Variants in ENOX2 observed in about 807,000 individuals in gnomAD.
ENOX2 encodes the protein APK1 antigen.
A neutral mutation model predicts 45.0 loss-of-function variants in ENOX2; 36 were observed. The ratio of observed to expected loss-of-function variants is 0.80; its 90% confidence interval spans 0.61 to 1.06. The LOEUF is 1.06. Among genes scored for constraint, ENOX2 ranks in the 50% least tolerant of loss-of-function variants. ENOX2 has a pLI of 0.00. For synonymous variants in ENOX2, 174 were observed against 152.3 expected, an observed-to-expected ratio of 1.14 and a Z score of -1.05; for missense variants, 423 against 462.5, an observed-to-expected ratio of 0.91 and a Z score of 0.78.
intron 2 of ENOX2, among the ~76,000 whole-genome samples, chrX:130,868,005 A>T (rs1161246625): frequency 8.9e-6 from 1 of 112,028 alleles, no homozygotes; most frequent in Non-Finnish European, 1.9e-5. Context: ...AATGTACATA[A>T]AGGTCAAAAT....
intron 2 of ENOX2, among the ~76,000 whole-genome samples, chrX:130,874,302 G>A (rs2078653613): frequency 8.9e-6 from 1 of 112,258 alleles, no homozygotes; most frequent in Non-Finnish European, 1.9e-5. Context: ...CCATCTAGGG[G>A]ATAGAGTGTG....
intron 3 of ENOX2, among the ~76,000 whole-genome samples, chrX:130,735,330 A>C (rs998190144): frequency 4.5e-5 from 5 of 112,288 alleles, no homozygotes; most frequent in African/African-American, 1.6e-4. Context: ...CTCCTAAAGC[A>C]GTGCTTTGTC....
At chrX:130,704,877 T>C (rs770989454) in intron 3 of ENOX2, among the ~76,000 whole-genome samples, 14 of 112,210 alleles carry the variant, frequency 1.2e-4, no homozygotes, top group African/African-American at 3.9e-4. Context: ...GAGTGATTTC[T>C]CCATCTGTAG....
intron 3 of ENOX2, among the ~76,000 whole-genome samples, chrX:130,764,940 A>G (rs1344284537): frequency 9.0e-6 from 1 of 111,721 alleles, no homozygotes; most frequent in African/African-American, 3.3e-5. Context: ...GATCTCATGC[A>G]AATTAATATT....
intron 3 of ENOX2, among the ~76,000 whole-genome samples, chrX:130,770,359 G>T (rs2039710236): frequency 9.0e-6 from 1 of 111,684 alleles, no homozygotes; most frequent in South Asian, 3.7e-4. Context: ...TGACACTGGG[G>T]CTGCTCTGAA....
intron 3 of ENOX2, among the ~76,000 whole-genome samples, chrX:130,707,905 C>A (rs1298005274): frequency 1.8e-5 from 2 of 111,889 alleles, no homozygotes; most frequent in African/African-American, 3.3e-5. Flanking sequence ...TTCTTCTCTT[C>A]TTGCCTGCCT....
At chrX:130,783,488 C>T (rs1444340522) in intron 3 of ENOX2, 59 bp downstream of exon 3, 3 of 316,553 alleles carry the variant, frequency 9.5e-6, no homozygotes, top group Non-Finnish European at 1.8e-5. Context: ...ACATACTAGG[C>T]TCTGGGAAAA....
At chrX:130,685,202 C>A (rs1415692787) in intron 5 of ENOX2, among the ~76,000 whole-genome samples, 1 of 110,789 alleles carries the variant, frequency 9.0e-6, no homozygotes, top group Non-Finnish European at 1.9e-5. Flanking sequence ...CATGGAACAG[C>A]ATGAAGGTCA....
chrX:130,665,866 T>C lies in ENOX2; in HGVS notation c.908-117A>G. On this transcript the variant is annotated intron_variant, in intron 8 of 14. Transcript: ENST00000394363. The stretch of plus-strand genomic sequence containing the variant: ...TCAGGCTTGTTGTATCTTGTTGTTA[T>C]GACACTATACTAAGCTGTGGTTGTG... 8.1e-6 allele frequency: 4 copies of C among 496,058 alleles called. No homozygotes were observed. The South Asian group carries it at 1.2e-4, about 15-fold the overall frequency. The allele number at this position is 496,058 out of a possible 1,213,427, so 40.9% of individuals were successfully genotyped here.
intron 5 of ENOX2, among the ~76,000 whole-genome samples, chrX:130,682,028 C>A (rs926864514): frequency 1.9e-5 from 2 of 105,953 alleles, no homozygotes; most frequent in African/African-American, 3.5e-5. Flanking sequence ...CCCCCCCCCA[C>A]CGACTATATA....
intron 2 of ENOX2, among the ~76,000 whole-genome samples, chrX:130,858,112 T>TC (rs1195994396): frequency 9.3e-6 from 1 of 108,056 alleles, no homozygotes; most frequent in Non-Finnish European, 1.9e-5. Context: ...ATGGGCTTTT[T>TC]CCTTTTTTTT....
chrX:130,824,198 T>C (rs2077672896), intron 2 of ENOX2, among the ~76,000 whole-genome samples: 1 of 111,812 alleles, frequency 8.9e-6, no homozygotes, highest in Non-Finnish European at 1.9e-5. Flanking sequence ...GCTTCCTTTT[T>C]ATTGCAGAAA....
At chrX:130,884,261 T>C (rs1434269100) in intron 2 of ENOX2, among the ~76,000 whole-genome samples, 1 of 112,536 alleles carries the variant, frequency 8.9e-6, no homozygotes, top group African/African-American at 3.2e-5. Context: ...TGTTAAAATA[T>C]AAAGATACCA....
intron 11 of ENOX2, among the ~76,000 whole-genome samples, 156 bp downstream of exon 11, chrX:130,637,073 T>C (rs754020419): frequency 8.9e-6 from 1 of 112,725 alleles, no homozygotes; most frequent in East Asian, 2.8e-4. Flanking sequence ...AATATTTAAT[T>C]AAACACAACA....
intron 10 of ENOX2, among the ~76,000 whole-genome samples, chrX:130,639,223 T>C (rs2036016884): frequency 8.9e-6 from 1 of 111,959 alleles, no homozygotes; most frequent in Non-Finnish European, 1.9e-5. Flanking sequence ...TACCAGAGCC[T>C]CACCTGCTGG....
rs898898188 is a variant in ENOX2 at position 130,903,143 on chromosome X, GC to G, written c.-326del. ...CCTGGGCTCGTAGTGCCCTCGCGGC[GC>G]CCCACGCCGCGCCACTCTCTTCCGA... On this transcript the variant is annotated 5_prime_UTR_variant, in exon 1 of 15. Coordinates refer to ENST00000394363, the MANE Select transcript of ENOX2 (RefSeq NM_006375.4). The G allele has an allele frequency of 6.2e-5, 7 of 112,617 alleles. No homozygotes were observed. Among genetic ancestry groups the G allele is most frequent in the African/African-American group, 2.3e-4 (7 of 30,866 alleles). The allele number at this position is 112,617 out of a possible 1,213,427, so 9.3% of individuals were successfully genotyped here. A position where few individuals can be genotyped will look rare whatever the true frequency, so the allele number is the denominator to read the frequency against.
At chrX:130,647,561 A>G (rs2148059269) in intron 10 of ENOX2, among the ~76,000 whole-genome samples, 1 of 112,228 alleles carries the variant, frequency 8.9e-6, no homozygotes, top group East Asian at 2.8e-4. Context: ...CTCTGATTCA[A>G]GGTCTAGCAT....
intron 9 of ENOX2, among the ~76,000 whole-genome samples, chrX:130,658,257 TA>T (rs1034331325): frequency 9.0e-6 from 1 of 110,872 alleles, no homozygotes; most frequent in Non-Finnish European, 1.9e-5. Flanking sequence ...GAAATAAAAA[TA>T]ACCAGACGAG....
intron 2 of ENOX2, among the ~76,000 whole-genome samples, chrX:130,831,030 C>T (rs368149598): frequency 7.2e-5 from 8 of 111,670 alleles, no homozygotes; most frequent in African/African-American, 2.0e-4. Flanking sequence ...CATCATAACA[C>T]GGCTGAAGGG....
Sources: gnomAD v4.1 joint callset for allele counts (sites outside exome capture counted in the v4.1 genomes callset) on GRCh38, gnomAD v4.1.1 for gene constraint, MANE v1.5 for transcripts, NCBI Gene and HGNC (gene_info 2026-07-23, HGNC 2026-07-21) for gene names.